MED12L: variants seen among roughly 807,000 people sequenced by gnomAD.
The protein encoded by MED12L is mediator of RNA polymerase II transcription subunit 12-like protein.
A neutral mutation model predicts 281.3 loss-of-function variants in MED12L; 60 were observed. That is an observed-to-expected ratio of 0.21 (90% CI 0.17 to 0.26). The LOEUF is 0.26. MED12L is among the 10% of genes least tolerant of loss of function. MED12L has a pLI of 1.00. For missense variants in MED12L, 2,146 were observed against 2,680.9 expected, an observed-to-expected ratio of 0.80 and a Z score of 4.41; for synonymous variants, 974 against 987.2, an observed-to-expected ratio of 0.99 and a Z score of 0.25.
chr3:151,163,035 T>C (rs1310390133), intron 8 of MED12L, among the ~76,000 whole-genome samples: 1 of 152,208 alleles, frequency 6.6e-6, no homozygotes, highest in East Asian at 1.9e-4. Context: ...TAATGTTTAA[T>C]CTATGTTTAG....
At position 151,376,132 on chromosome 3, in the gene MED12L, A is replaced by G. The variant is rs1756822376; in HGVS notation, c.3971A>G (p.Gln1324Arg). The change falls in exon 28 of 45, where the codon CAG (glutamine) becomes CGG (arginine). Residue 1324 changes from glutamine to arginine, a missense_variant. Around this residue, in one of 9 missense-constraint regions of MED12L, gnomAD observed 235 missense variants for 260.3 expected, o/e 0.90. Coordinates refer to ENST00000687756, the MANE Select transcript of MED12L (RefSeq NM_001393769.1). Reference sequence around the variant, plus strand: ...AATATGCAAGCACAGAAATTACTGCAGCTTATCTGTTATCCTCATGGCATT... The same window carrying G: ...AATATGCAAGCACAGAAATTACTGCGGCTTATCTGTTATCCTCATGGCATT... Reference protein sequence around the residue: ...LSNMQAQKLLQLICYPHGIKE... With the variant: ...LSNMQAQKLLRLICYPHGIKE... 2 of 1,611,250 alleles carry G rather than the reference A, an allele frequency of 1.2e-6. No individual in the cohort carries two copies. Among genetic ancestry groups the G allele is most frequent in the Admixed American group, 3.4e-5 (2 of 59,296 alleles).
chr3:151,238,137 T>TTTTTC (rs1553753434), intron 16 of MED12L, among the ~76,000 whole-genome samples: 6 of 149,500 alleles, frequency 4.0e-5, no homozygotes, highest in Non-Finnish European at 7.4e-5. Flanking sequence ...ACATTTTTTC[T>TTTTTC]TTTTTCTTTT....
chr3:151,157,334 G>A (rs572784356), intron 6 of MED12L, among the ~76,000 whole-genome samples: 49 of 151,846 alleles, frequency 3.2e-4, no homozygotes, highest in African/African-American at 9.7e-4. Flanking sequence ...TTAATTTGCC[G>A]TATTCTGAAA....
rs574571446 is a variant in MED12L, at chr3:151,106,233, C to CTTCCT, written c.100-10087_100-10083dup. Among the ~76,000 whole-genome samples the CTTCCT allele has an allele frequency of 5.5e-4, 77 of 139,452 alleles. 1 individual carries two copies. The highest frequency in any genetic ancestry group is 5.1e-3 in the South Asian group (23 of 4,526). 91.5% of individuals were successfully genotyped at this position (139,452 alleles called of 152,430 possible). On this transcript the variant is annotated intron_variant, in intron 2 of 44. Transcript: ENST00000687756. Reference sequence around the variant, plus strand: ...TTTTTTTTCTTTCTTTCCTTCCTTCCTTCCTTTCCTTTCCTTTCCTTTTCC... The same window carrying CTTCCT: ...TTTTTTTTCTTTCTTTCCTTCCTTCCTTCCTTTCCTTTCCTTTCCTTTCCTTTTCC...
Position 151,409,300 on chromosome 3 carries a change from C to A in MED12L, c.5878C>A (p.Leu1960Ile). ...FAAQARPSPQ[L>I]PQYPGLQQAQ... is the part of the protein sequence containing the mutation. The stretch of plus-strand genomic sequence containing the variant: ...TGCGCAAGCACGGCCCTCCCCTCAG[C>A]TCCCTCAGTATCCAGGGCTGCAGCA... The change falls in exon 40 of 45, where the codon CTC becomes ATC. Residue 1960 changes from leucine to isoleucine, a missense_variant. Around this residue, in one of 9 missense-constraint regions of MED12L, gnomAD observed 496 missense variants for 512.0 expected, o/e 0.97. Coordinates refer to ENST00000687756, the MANE Select transcript of MED12L (RefSeq NM_001393769.1). The A allele has an allele frequency of 6.2e-7, 1 of 1,613,902 alleles. No individual in the cohort carries two copies. Among genetic ancestry groups the A allele is most frequent in the Non-Finnish European group, 8.5e-7 (1 of 1,179,980 alleles).
intron 41 of MED12L, among the ~76,000 whole-genome samples, 176 bp from the exon 42 acceptor site, chr3:151,412,963 T>C (rs1164054739): frequency 6.6e-6 from 1 of 152,270 alleles, no homozygotes; most frequent in Non-Finnish European, 1.5e-5. Context: ...CTTGCTGTAC[T>C]TTTTCAAGTG....
intron 11 of MED12L, among the ~76,000 whole-genome samples, chr3:151,183,205 C>T (rs1414595950): frequency 6.6e-6 from 1 of 152,140 alleles, no homozygotes. Flanking sequence ...GGATAAAACC[C>T]TAGTTAACAG....
intron 16 of MED12L, among the ~76,000 whole-genome samples, chr3:151,234,624 T>G (rs1052070252): frequency 1.3e-5 from 2 of 152,172 alleles, no homozygotes; most frequent in African/African-American, 4.8e-5. Context: ...TGAAGGGAGC[T>G]TAATGGGTTG....
chr3:151,409,377 C>G, intron 40 of MED12L, 45 bp downstream of exon 40: 1 of 1,566,130 alleles, frequency 6.4e-7, no homozygotes, highest in Non-Finnish European at 8.8e-7. Flanking sequence ...TTTCAAAGCT[C>G]TTTATTGGAG....
In MED12L at chr3:151,163,800, TAC is replaced by T. The variant is rs975216743; in HGVS notation, c.1108-91_1108-90del. ...TAAACTTACTAGTAGGAGACAATAA[TAC>T]AGTGATGACAGGGTGTCGTTTTTAC... On this transcript the variant is annotated intron_variant, in intron 8 of 44. Transcript: ENST00000687756. The T allele has an allele frequency of 3.4e-5, 43 of 1,277,808 alleles. 3 individuals are homozygous for T. Among genetic ancestry groups the T allele is most frequent in the Admixed American group, 3.1e-4 (15 of 47,956 alleles). The allele number at this position is 1,277,808 out of a possible 1,614,324, so 79.2% of individuals were successfully genotyped here.
chr3:151,240,203 C>A (rs1733804000), intron 16 of MED12L, among the ~76,000 whole-genome samples: 1 of 152,164 alleles, frequency 6.6e-6, no homozygotes, highest in African/African-American at 2.4e-5. Context: ...GTCAATGGGC[C>A]TGTGTCAATA....
chr3:151,199,394 G>A (rs1246013920), intron 16 of MED12L: 3 of 1,592,954 alleles, frequency 1.9e-6, no homozygotes, highest in East Asian at 2.2e-5. Flanking sequence ...CATCTTGAGG[G>A]AAAGTAAGGA....
chr3:151,118,503 G>A (rs1299590640), intron 3 of MED12L, among the ~76,000 whole-genome samples: 1 of 152,096 alleles, frequency 6.6e-6, no homozygotes, highest in African/African-American at 2.4e-5. Flanking sequence ...TTATGTATAT[G>A]TAATTTATGA....
intron 38 of MED12L, among the ~76,000 whole-genome samples, chr3:151,393,506 A>AC (rs986364086): frequency 1.4e-5 from 2 of 143,428 alleles, no homozygotes; most frequent in African/African-American, 5.1e-5. Context: ...CTCCCCCACA[A>AC]CCCCCCCTCC....
At chr3:151,163,507 C>CT (rs1491550868) in intron 8 of MED12L, among the ~76,000 whole-genome samples, 28 of 150,564 alleles carry the variant, frequency 1.9e-4, no homozygotes, top group Admixed American at 3.3e-4. Context: ...TTAAATACTT[C>CT]TTTTTTTTTA....
At chr3:151,419,735 A>T (rs549527402) in intron 43 of MED12L, among the ~76,000 whole-genome samples, 1 of 152,184 alleles carries the variant, frequency 6.6e-6, no homozygotes, top group Non-Finnish European at 1.5e-5. Context: ...ACATAATACA[A>T]CTATCCTTCC....
chr3:151,247,445 A>C (rs1388889350), intron 16 of MED12L, among the ~76,000 whole-genome samples: 1 of 151,956 alleles, frequency 6.6e-6, no homozygotes, highest in Middle Eastern at 3.2e-3. Flanking sequence ...AAAAATGATG[A>C]GTTCATGTCC....
At chr3:151,337,802 C>T (rs1560044914) in intron 16 of MED12L, 1 of 1,611,616 alleles carries the variant, frequency 6.2e-7, no homozygotes, top group East Asian at 2.2e-5. Context: ...TGAAATATTT[C>T]CTTAGTTAAT....
chr3:151,134,917 C>G (rs1483662109), intron 5 of MED12L, among the ~76,000 whole-genome samples: 1 of 148,734 alleles, frequency 6.7e-6, no homozygotes, highest in East Asian at 2.0e-4. Context: ...TGAGTTCCCT[C>G]TGGTGCATGA....
Sources: allele counts gnomAD v4.1 joint callset (sites outside exome capture counted in the v4.1 genomes callset), GRCh38; gene constraint gnomAD v4.1.1; regional missense constraint gnomAD v4.1.1; transcripts MANE v1.5; gene names NCBI Gene and HGNC (gene_info 2026-07-23, HGNC 2026-07-21).